ACTR3C: variants seen among roughly 807,000 people sequenced by gnomAD.
ACTR3C encodes the protein actin-related protein 3C.
ACTR3C carries 18 observed loss-of-function variants against 26.3 expected under a neutral mutation model. The ratio of observed to expected loss-of-function variants is 0.68; its 90% CI spans 0.47 to 1.01. The LOEUF (loss-of-function observed/expected upper bound fraction) is 1.01, where lower values mean the gene tolerates loss of function less well. Among genes scored for constraint, ACTR3C ranks in the 50% least tolerant of loss-of-function variants. The pLI is 0.00. For synonymous variants in ACTR3C, 55 were observed against 94.5 expected (o/e 0.58, Z 2.42); for missense variants, 184 against 250.7 (o/e 0.73, Z 1.80).
At chr7:150,261,340 A>G (rs1375928114) in intron 6 of ACTR3C, among the ~76,000 whole-genome samples, 9 of 151,926 alleles carry the variant, frequency 5.9e-5, no homozygotes, top group Non-Finnish European at 1.2e-4. Context: ...CTCTTTTTCT[A>G]CTTGAAGCAT....
the ACTR3C span, among the ~76,000 whole-genome samples, chr7:150,185,274 G>GGC: frequency 1.6e-5 from 2 of 124,154 alleles, no homozygotes; most frequent in Non-Finnish European, 3.5e-5. Context: ...TTAAATGTCA[G>GGC]GCGTGTGTGT....
chr7:150,099,856 A>G, the ACTR3C span, among the ~76,000 whole-genome samples: 29 of 151,696 alleles, frequency 1.9e-4, no homozygotes, highest in African/African-American at 7.1e-4. Context: ...ACCCTGGGCC[A>G]GGGACTCAGG....
the ACTR3C span, among the ~76,000 whole-genome samples, chr7:150,091,810 G>A: frequency 1.3e-5 from 2 of 149,934 alleles, no homozygotes; most frequent in Non-Finnish European, 3.0e-5. Flanking sequence ...GTGAAACACC[G>A]TCTCTACTAA....
chr7:150,024,883 G>A, the ACTR3C span, among the ~76,000 whole-genome samples: 12 of 150,842 alleles, frequency 8.0e-5, no homozygotes, highest in Non-Finnish European at 1.3e-4. Context: ...TGACAAAAAG[G>A]AATCAAATCC....
chr7:150,010,710 A>T, the ACTR3C span, among the ~76,000 whole-genome samples: 174 of 151,680 alleles, frequency 1.1e-3, no homozygotes, highest in Middle Eastern at 6.8e-3. Context: ...AAAAAAAAAA[A>T]AATAAGCTCT....
the ACTR3C span, among the ~76,000 whole-genome samples, chr7:150,048,739 G>C: frequency 6.6e-6 from 1 of 152,128 alleles, no homozygotes; most frequent in African/African-American, 2.4e-5. Flanking sequence ...CGAGGACCTG[G>C]GGTGCAAATG....
chr7:150,216,285 A>G, the ACTR3C span, among the ~76,000 whole-genome samples: 1 of 152,252 alleles, frequency 6.6e-6, no homozygotes, highest in Non-Finnish European at 1.5e-5. Context: ...AATGCTTACT[A>G]TATGCAAACT....
the ACTR3C span, among the ~76,000 whole-genome samples, chr7:150,082,925 CT>C: frequency 0.012 from 1,423 of 120,748 alleles, 21 homozygotes; most frequent in African/African-American, 0.04. Context: ...TTCTTTCTTT[CT>C]TTTTTTTCTT....
chr7:150,037,370 C>T, the ACTR3C span, among the ~76,000 whole-genome samples: 5 of 52,390 alleles, frequency 9.5e-5, no homozygotes, highest in South Asian at 6.1e-4. Context: ...CCCCGCCTCG[C>T]GGGGGGTGCC....
the ACTR3C span, among the ~76,000 whole-genome samples, chr7:150,017,663 C>T: frequency 6.7e-6 from 1 of 149,480 alleles, no homozygotes; most frequent in African/African-American, 2.5e-5. Flanking sequence ...AGCCTCTGCC[C>T]ACAACACTTC....
At chr7:150,048,413 G>A in the ACTR3C span, among the ~76,000 whole-genome samples, 1 of 152,076 alleles carries the variant, frequency 6.6e-6, no homozygotes, top group Admixed American at 6.5e-5. Context: ...GAGGGCACGG[G>A]GTCGCACAAA....
At chr7:150,183,920 G>GT in the ACTR3C span, among the ~76,000 whole-genome samples, 63 of 150,252 alleles carry the variant, frequency 4.2e-4, no homozygotes, top group Non-Finnish European at 8.1e-4. Flanking sequence ...TCTGATGTTT[G>GT]TAAGTGTCTG....
downstream of ACTR3C, chr7:150,245,589 T>C (rs1448156847): frequency 6.6e-6 from 1 of 152,024 alleles, no homozygotes; most frequent in African/African-American, 2.4e-5. Flanking sequence ...TGCAGGAAAG[T>C]TGGGAATTGT....
the ACTR3C span, among the ~76,000 whole-genome samples, chr7:150,185,062 T>G: frequency 1.3e-5 from 2 of 151,668 alleles, no homozygotes; most frequent in Admixed American, 1.3e-4. Context: ...CAAGGACTGA[T>G]TGGCTTAACT....
At chr7:149,917,414 T>C in the ACTR3C span, among the ~76,000 whole-genome samples, 1 of 152,106 alleles carries the variant, frequency 6.6e-6, no homozygotes, top group African/African-American at 2.4e-5. Context: ...GAAGACTCTT[T>C]CACTTTACTT....
intron 1 of ACTR3C, among the ~76,000 whole-genome samples, chr7:150,321,336 A>G (rs1219802203): frequency 6.6e-6 from 1 of 152,222 alleles, no homozygotes; most frequent in Non-Finnish European, 1.5e-5. Context: ...TTTTTCTTTT[A>G]GTGCCATTTC....
chr7:149,973,685 G>C, the ACTR3C span, among the ~76,000 whole-genome samples: 1 of 152,122 alleles, frequency 6.6e-6, no homozygotes, highest in African/African-American at 2.4e-5. Context: ...GTCTGCGGGA[G>C]TTCATATTCT....
At chr7:150,089,886 T>C in the ACTR3C span, among the ~76,000 whole-genome samples, 1 of 152,242 alleles carries the variant, frequency 6.6e-6, no homozygotes, top group African/African-American at 2.4e-5. Flanking sequence ...ACTTGCACAG[T>C]TGGGTTTTAT....
At chr7:150,319,453 T>C (rs907878457) in intron 1 of ACTR3C, among the ~76,000 whole-genome samples, 1 of 152,180 alleles carries the variant, frequency 6.6e-6, no homozygotes, top group Admixed American at 6.5e-5. Context: ...GTGATTTGCC[T>C]GCCTCGGCCT....
Sources: gnomAD v4.1 joint callset for allele counts (sites outside exome capture counted in the v4.1 genomes callset) on GRCh38, gnomAD v4.1.1 for gene constraint, MANE v1.5 for transcripts, NCBI Gene and HGNC (gene_info 2026-07-23, HGNC 2026-07-21) for gene names.